Variants in ADCY1 observed in about 807,000 individuals in gnomAD.
ADCY1 encodes the protein adenylate cyclase 1, also known as adenylate cyclase type 1.
ADCY1 carries 28 observed loss-of-function variants against 105.4 expected under a neutral mutation model. The ratio of observed to expected loss-of-function variants is 0.27; its 90% confidence interval spans 0.20 to 0.36. The LOEUF is 0.36. Ranked by LOEUF, ADCY1 falls within the 10% of genes least tolerant of loss-of-function variation. The pLI is 1.00. For synonymous variants in ADCY1, 655 were observed against 623.8 expected, an observed-to-expected ratio of 1.05 and a Z score of -0.75; for missense variants, 977 against 1,434.2, an observed-to-expected ratio of 0.68 and a Z score of 5.15.
At chr7:45,593,575 A>T (rs1792988439) in intron 2 of ADCY1, among the ~76,000 whole-genome samples, 1 of 152,152 alleles carries the variant, frequency 6.6e-6, no homozygotes. Context: ...TGGGCTTAGG[A>T]AGGACCATCT....
At chr7:45,593,887 T>C (rs1453966088) in intron 2 of ADCY1, among the ~76,000 whole-genome samples, 1 of 152,264 alleles carries the variant, frequency 6.6e-6, no homozygotes, top group Non-Finnish European at 1.5e-5. Flanking sequence ...AGGTGGTGTG[T>C]GCATTGCCGT....
intron 4 of ADCY1, among the ~76,000 whole-genome samples, chr7:45,645,158 G>A (rs1379654653): frequency 6.6e-6 from 1 of 152,100 alleles, no homozygotes; most frequent in Non-Finnish European, 1.5e-5. Flanking sequence ...ATGACCATGT[G>A]CATGTGGATA....
chr7:45,622,116 C>T lies in ADCY1; in HGVS notation c.909-516C>T, dbSNP rs1439832598. Among the ~76,000 whole-genome samples, 4 of 152,106 alleles carry T rather than the reference C, an allele frequency of 2.6e-5. No individual in the cohort carries two copies. In the East Asian group the frequency reaches 5.8e-4, roughly 22 times the overall value. ...CTGCTCTCATTGCAGACTGAGGGGG[C>T]GGCCCCTTTGCCCAGGAATTCGGGG... On this transcript the variant is annotated intron_variant, in intron 3 of 19. Coordinates refer to ENST00000297323, the MANE Select transcript of ADCY1 (RefSeq NM_021116.4).
intron 2 of ADCY1, among the ~76,000 whole-genome samples, chr7:45,606,732 G>T (rs1793384519): frequency 6.6e-6 from 1 of 152,100 alleles, no homozygotes; most frequent in South Asian, 2.1e-4. Flanking sequence ...TTTTTTTTAA[G>T]AGTACATTTA....
chr7:45,637,815 ACT>A (rs1454413344), intron 4 of ADCY1, among the ~76,000 whole-genome samples: 1 of 152,030 alleles, frequency 6.6e-6, no homozygotes, highest in South Asian at 2.1e-4. Flanking sequence ...CTTCAGAAAG[ACT>A]CTATTTTGCC....
In ADCY1 at chr7:45,677,905, A is replaced by C. The variant is rs75922090; in HGVS notation, c.1642A>C (p.Asn548His). Residue 548 changes from asparagine to histidine, a missense_variant, in exon 9 of 20, where the codon AAC becomes CAC. Around this residue, in one of 7 missense-constraint regions of ADCY1, gnomAD observed 275 missense variants for 362.1 expected, o/e 0.76. Transcript: ENST00000297323. ...AAGAACAGCCTCGGAAAAACTCAGA[A>C]ACCGCTCATCTTTTTCTACCAACGT... ...ALRTASEKLRNRSSFSTNVVY... is the reference protein window; with the variant it reads ...ALRTASEKLRHRSSFSTNVVY... 1 of 1,614,074 alleles carries C rather than the reference A, an allele frequency of 6.2e-7. No individual in the cohort carries two copies. Among genetic ancestry groups the C allele is most frequent in the South Asian group, 1.1e-5 (1 of 91,060 alleles).
At chr7:45,709,696 A>C (rs1184832894) in intron 18 of ADCY1, among the ~76,000 whole-genome samples, 1 of 152,208 alleles carries the variant, frequency 6.6e-6, no homozygotes, top group Non-Finnish European at 1.5e-5. Flanking sequence ...GAAGGGGAAG[A>C]TAGGAAGTGG....
Position 45,575,262 on chromosome 7 carries a change from G to T in ADCY1, c.639+80G>T. ...GCTGGGAATGCCCGGAGTCGGGCGC[G>T]CTTTTTCCTATGCGGCGGGTGGGGA... On this transcript the variant is annotated intron_variant, in intron 1 of 19. Coordinates refer to ENST00000297323, the MANE Select transcript of ADCY1 (RefSeq NM_021116.4). This position sits in a 1 kb window ranked among gnomAD's most constrained non-coding sequence, Gnocchi z 4.7. 3.4e-6 allele frequency: 5 copies of T among 1,489,024 alleles called. No individual in the cohort carries two copies. Among genetic ancestry groups the T allele is most frequent in the Non-Finnish European group, 3.6e-6 (4 of 1,125,258 alleles). 92.2% of individuals were successfully genotyped at this position (1,489,024 alleles called of 1,614,324 possible).
chr7:45,661,004 A>ATTCAGGGCTCAGGTGAGGGG, intron 7 of ADCY1, among the ~76,000 whole-genome samples: 2 of 120,842 alleles, frequency 1.7e-5, no homozygotes, highest in Non-Finnish European at 3.5e-5. Flanking sequence ...CAGGTGAGGG[A>ATTCAGGGCTCAGGTGAGGGG]TTCAGGGCTC....
Position 45,703,841 on chromosome 7 carries a change from G to C in ADCY1, c.2718+95G>C. 2 of 1,457,464 alleles carry C rather than the reference G, an allele frequency of 1.4e-6. No individual in the cohort carries two copies. The highest frequency in any genetic ancestry group is 2.3e-5 in the Admixed American group (1 of 43,534). The allele number at this position is 1,457,464 out of a possible 1,614,324, so 90.3% of individuals were successfully genotyped here. On this transcript the variant is annotated intron_variant, in intron 16 of 19. Coordinates refer to ENST00000297323, the MANE Select transcript of ADCY1 (RefSeq NM_021116.4). The surrounding 1 kb of genome is among the most constrained non-coding windows in gnomAD (Gnocchi z 5.9). ...TGTCTCACAATATGTCACATTCTTCGTAGCTGGAATGAGAGAAAGCAAATC... is the reference window on the plus strand; with the variant it reads ...TGTCTCACAATATGTCACATTCTTCCTAGCTGGAATGAGAGAAAGCAAATC...
intron 3 of ADCY1, among the ~76,000 whole-genome samples, chr7:45,612,493 T>C (rs1250160448): frequency 6.6e-6 from 1 of 152,192 alleles, no homozygotes. Flanking sequence ...CATGACACAC[T>C]GACCCAGTCC....
At chr7:45,663,606 G>A (rs191444387) in intron 8 of ADCY1, among the ~76,000 whole-genome samples, 1 of 152,256 alleles carries the variant, frequency 6.6e-6, no homozygotes, top group African/African-American at 2.4e-5. Flanking sequence ...GGATCACGAG[G>A]TCAGGAGTTC....
At chr7:45,626,571 C>T (rs1794066579) in intron 4 of ADCY1, among the ~76,000 whole-genome samples, 1 of 152,194 alleles carries the variant, frequency 6.6e-6, no homozygotes, top group Non-Finnish European at 1.5e-5. Flanking sequence ...TCCACGTGCC[C>T]ACGAGGAGCA....
At chr7:45,676,830 G>A (rs1453480089) in intron 8 of ADCY1, among the ~76,000 whole-genome samples, 1 of 148,936 alleles carries the variant, frequency 6.7e-6, no homozygotes, top group Non-Finnish European at 1.5e-5. Context: ...TGGAGCTGGG[G>A]CCACAGATTT....
chr7:45,575,479 C>A lies in ADCY1; in HGVS notation c.639+297C>A, dbSNP rs1014567071. 6.6e-6 allele frequency among the ~76,000 whole-genome samples: 1 copy of A among 152,246 alleles called. No individual in the cohort carries two copies. The highest frequency in any genetic ancestry group is 1.5e-5 in the Non-Finnish European group (1 of 68,052). On this transcript the variant is annotated intron_variant, in intron 1 of 19. Coordinates refer to ENST00000297323, the MANE Select transcript of ADCY1 (RefSeq NM_021116.4). The surrounding 1 kb of genome is among the most constrained non-coding windows in gnomAD (Gnocchi z 4.7). The stretch of plus-strand genomic sequence containing the variant: ...CCAAGGTCAGGGAGCTGATGAGCGG[C>A]CAGACGGCGGCCAGAGGGGTCCGCC...
chr7:45,707,288 A>G (rs1303733648), intron 17 of ADCY1, among the ~76,000 whole-genome samples: 2 of 152,236 alleles, frequency 1.3e-5, no homozygotes, highest in African/African-American at 2.4e-5. Flanking sequence ...CAAACTAGGT[A>G]TCCTTCAGTA....
At chr7:45,660,988 A>G (rs1032092798) in intron 7 of ADCY1, among the ~76,000 whole-genome samples, 1 of 148,802 alleles carries the variant, frequency 6.7e-6, no homozygotes, top group African/African-American at 2.5e-5. Context: ...TGAGGGGTTC[A>G]TGGCTCAGGT....
chr7:45,667,123 T>C (rs1784277003), intron 8 of ADCY1, among the ~76,000 whole-genome samples: 1 of 152,236 alleles, frequency 6.6e-6, no homozygotes, highest in Non-Finnish European at 1.5e-5. Flanking sequence ...GCAGAAGCTC[T>C]TTAGTTTAAT....
Position 45,721,113 on chromosome 7 carries a change from C to G in ADCY1, c.*7118C>G, listed in dbSNP as rs1440414719. 1 of 152,206 alleles carries G rather than the reference C, an allele frequency of 6.6e-6. No individual in the cohort carries two copies. The highest frequency in any genetic ancestry group is 1.5e-5 in the Non-Finnish European group (1 of 68,058). The allele number at this position is 152,206 out of a possible 1,614,324, so 9.4% of individuals were successfully genotyped here. ...TCTAGCTCATCCACATGCTAGTGCC[C>G]AAGTGGTGGAGGGGCCACCTCAGCA... On this transcript the variant is annotated 3_prime_UTR_variant, in exon 20 of 20. Transcript: ENST00000297323.
Sources: gnomAD v4.1 joint callset for allele counts (sites outside exome capture counted in the v4.1 genomes callset) on GRCh38, gnomAD v4.1.1 for gene constraint, gnomAD v4.1.1 regional missense constraint, Gnocchi (gnomAD v3.1) non-coding constraint, MANE v1.5 for transcripts, NCBI Gene and HGNC (gene_info 2026-07-23, HGNC 2026-07-21) for gene names.